CADPS: variants seen among roughly 807,000 people sequenced by gnomAD.
The protein encoded by CADPS is calcium dependent secretion activator.
Under a neutral mutation model 167.3 loss-of-function variants are expected in CADPS, and 57 were observed. That is an observed-to-expected ratio of 0.34 (90% CI 0.28 to 0.42). CADPS has a LOEUF of 0.42. CADPS is among the 20% of genes least tolerant of loss of function. The pLI is 1.00. For missense variants in CADPS, 1,414 were observed against 1,738.1 expected, an observed-to-expected ratio of 0.81 and a Z score of 3.32; for synonymous variants, 676 against 635.3, an observed-to-expected ratio of 1.06 and a Z score of -0.96.
At chr3:62,589,273 T>G (rs577659496) in intron 7 of CADPS, among the ~76,000 whole-genome samples, 1 of 152,168 alleles carries the variant, frequency 6.6e-6, no homozygotes, top group Non-Finnish European at 1.5e-5. Context: ...CTGCTGCCCA[T>G]GAAGATGCTG....
At chr3:62,689,811 A>C (rs755582754) in intron 3 of CADPS, among the ~76,000 whole-genome samples, 9 of 152,004 alleles carry the variant, frequency 5.9e-5, no homozygotes, top group Non-Finnish European at 1.2e-4. Context: ...TTCTAGAAAG[A>C]AGTAGCTCCT....
intron 6 of CADPS, among the ~76,000 whole-genome samples, chr3:62,606,572 T>C (rs2060723169): frequency 6.6e-6 from 1 of 152,188 alleles, no homozygotes; most frequent in Non-Finnish European, 1.5e-5. Flanking sequence ...TAAATTCCTT[T>C]TCTTTATAAA....
At position 62,516,094 on chromosome 3, in the gene CADPS, T is replaced by C. The variant is rs150724919; in HGVS notation, c.2546A>G (p.Asn849Ser). 4.6e-4 allele frequency: 745 copies of C among 1,613,320 alleles called. 5 individuals are homozygous for C. In the African/African-American group the frequency reaches 8.5e-3, roughly 18 times the overall value. Reference protein sequence around the residue: ...RKCLEQAALVNYSRLSEYAKI... With the variant: ...RKCLEQAALVSYSRLSEYAKI... ...GGCATACTCTGAGAGCCGAGAATAG[T>C]TGACTAACGCAGCCTGTTCCAGACA... The change falls in exon 16 of 30, where the codon AAC becomes AGC. Residue 849 changes from asparagine to serine, a missense_variant. Physicochemically the swap from Asn to Ser is conservative, Grantham distance 46. Coordinates refer to ENST00000383710, the MANE Select transcript of CADPS (RefSeq NM_003716.4).
At chr3:62,716,564 GCATTA>G in intron 3 of CADPS, among the ~76,000 whole-genome samples, 1 of 152,226 alleles carries the variant, frequency 6.6e-6, no homozygotes, top group African/African-American at 2.4e-5. Context: ...TCTGAAGGTG[GCATTA>G]CATTAGATAC....
chr3:62,475,263 C>T (rs565951475), intron 23 of CADPS, among the ~76,000 whole-genome samples: 1 of 152,062 alleles, frequency 6.6e-6, no homozygotes, highest in African/African-American at 2.4e-5. Context: ...GTAAAAGGGG[C>T]CTAGTTATAT....
intron 27 of CADPS, among the ~76,000 whole-genome samples, chr3:62,442,294 C>T (rs1330264458): frequency 6.6e-6 from 1 of 151,270 alleles, no homozygotes; most frequent in East Asian, 1.9e-4. Context: ...TCACTGCAAT[C>T]TCTGCCTCCC....
intron 3 of CADPS, among the ~76,000 whole-genome samples, chr3:62,664,014 T>C (rs1287862821): frequency 2.6e-5 from 4 of 152,128 alleles, no homozygotes; most frequent in Non-Finnish European, 5.9e-5. Flanking sequence ...AACTATTTAT[T>C]TTTTTTCCCC....
intron 4 of CADPS, among the ~76,000 whole-genome samples, chr3:62,651,320 T>C (rs566220674): frequency 3.9e-5 from 6 of 152,338 alleles, no homozygotes; most frequent in South Asian, 4.1e-4. Context: ...GTAAGAAACA[T>C]TGAAATGCTT....
chr3:62,704,436 G>T (rs13082233), intron 3 of CADPS, among the ~76,000 whole-genome samples: 1 of 151,972 alleles, frequency 6.6e-6, no homozygotes, highest in Admixed American at 6.6e-5. Flanking sequence ...GCTCACATAC[G>T]ATTTAATGAT....
intron 1 of CADPS, among the ~76,000 whole-genome samples, chr3:62,816,686 A>G (rs1177589428): frequency 6.6e-6 from 1 of 151,864 alleles, no homozygotes; most frequent in Non-Finnish European, 1.5e-5. Flanking sequence ...TTAGTGCAGA[A>G]CTGTAAGAAG....
At chr3:62,566,782 G>C (rs535765724) in intron 9 of CADPS, among the ~76,000 whole-genome samples, 1 of 152,074 alleles carries the variant, frequency 6.6e-6, no homozygotes, top group African/African-American at 2.4e-5. Context: ...GGTTGTTAAG[G>C]GAGAAATCTG....
intron 1 of CADPS, among the ~76,000 whole-genome samples, chr3:62,799,484 T>G (rs1478467708): frequency 6.6e-6 from 1 of 152,170 alleles, no homozygotes; most frequent in African/African-American, 2.4e-5. Flanking sequence ...TCTCTATTTT[T>G]AAATAACTTG....
chr3:62,777,443 T>A (rs2090574570), intron 1 of CADPS, among the ~76,000 whole-genome samples: 1 of 152,072 alleles, frequency 6.6e-6, no homozygotes, highest in South Asian at 2.1e-4. Flanking sequence ...CCATTCAGGA[T>A]CCAGAATAGC....
At chr3:62,812,144 AAAC>A (rs2094421336) in intron 1 of CADPS, among the ~76,000 whole-genome samples, 1 of 152,326 alleles carries the variant, frequency 6.6e-6, no homozygotes, top group East Asian at 1.9e-4. Context: ...AAATATTCAA[AAAC>A]AACTGGAAGG....
At chr3:62,704,890 C>T (rs2082050560) in intron 3 of CADPS, among the ~76,000 whole-genome samples, 2 of 152,082 alleles carry the variant, frequency 1.3e-5, no homozygotes, top group African/African-American at 2.4e-5. Context: ...ATCTCTTTCC[C>T]TCTCTTTGTT....
chr3:62,456,763 T>TAAA (rs11368866), intron 26 of CADPS, among the ~76,000 whole-genome samples: 4 of 129,310 alleles, frequency 3.1e-5, no homozygotes, highest in African/African-American at 8.4e-5. Flanking sequence ...TATCACTGTC[T>TAAA]AAAAAAAAAA....
At chr3:62,745,720 A>T (rs1194568154) in intron 3 of CADPS, among the ~76,000 whole-genome samples, 2 of 152,180 alleles carry the variant, frequency 1.3e-5, no homozygotes, top group African/African-American at 4.8e-5. Flanking sequence ...ATGACCAAAC[A>T]TGCACCTTGT....
At chr3:62,728,944 C>G in intron 3 of CADPS, among the ~76,000 whole-genome samples, 1 of 151,792 alleles carries the variant, frequency 6.6e-6, no homozygotes, top group South Asian at 2.1e-4. Flanking sequence ...GGGTGACCTT[C>G]ATTAGTTCAC....
At chr3:62,871,056 C>T (rs1186758029) in intron 1 of CADPS, among the ~76,000 whole-genome samples, 1 of 152,074 alleles carries the variant, frequency 6.6e-6, no homozygotes, top group African/African-American at 2.4e-5. Flanking sequence ...TTTCAATTCA[C>T]AGTAATGTAA....
Sources: gnomAD v4.1 joint callset for allele counts (sites outside exome capture counted in the v4.1 genomes callset) on GRCh38, gnomAD v4.1.1 for gene constraint, MANE v1.5 for transcripts, NCBI Gene and HGNC (gene_info 2026-07-23, HGNC 2026-07-21) for gene names.